The following RBFOX1 variants were observed in gnomAD, a reference collection of about 807,000 sequenced individuals.
The protein encoded by RBFOX1 is RNA binding fox-1 homolog 1.
A neutral mutation model predicts 57.7 loss-of-function variants in RBFOX1; 8 were observed. That is an observed-to-expected ratio of 0.14 (90% CI 0.08 to 0.25). The LOEUF (loss-of-function observed/expected upper bound fraction) is 0.25. Ranked by LOEUF, RBFOX1 falls within the 10% of genes least tolerant of loss-of-function variation. RBFOX1 has a pLI of 1.00. For missense variants in RBFOX1, 611 were observed against 548.5 expected, an observed-to-expected ratio of 1.11 and a Z score of -1.14; for synonymous variants, 326 against 222.4, an observed-to-expected ratio of 1.47 and a Z score of -4.15.
intron 3 of RBFOX1, among the ~76,000 whole-genome samples, chr16:5,716,424 G>C (rs551536557): frequency 1.3e-5 from 2 of 152,232 alleles, no homozygotes; most frequent in East Asian, 1.9e-4. Flanking sequence ...ACAGACCCCA[G>C]TGTCCATGTG....
In RBFOX1 at chr16:5,851,804, G is replaced by C. The variant is rs114704265; in HGVS notation, c.319-15499G>C. 3.2e-3 allele frequency among the ~76,000 whole-genome samples: 492 copies of C among 152,320 alleles called. 4 individuals carry two copies. The highest frequency in any genetic ancestry group is 0.012 in the African/African-American group (478 of 41,564). The stretch of plus-strand genomic sequence containing the variant: ...AAACCGCAAGTTTAGCGTTCTGTGG[G>C]TGAGTGTCTTAAAGGAACTGTCTGT... On this transcript the variant is annotated intron_variant, in intron 3 of 19. Coordinates refer to the RBFOX1 transcript ENST00000641259.
At chr16:6,208,110 C>T (rs2097267401) in intron 1 of RBFOX1, among the ~76,000 whole-genome samples, 1 of 151,636 alleles carries the variant, frequency 6.6e-6, no homozygotes, top group South Asian at 2.1e-4. Flanking sequence ...TGCATAAAAA[C>T]TAAATGATAG....
chr16:6,141,163 C>A (rs1033806442), intron 1 of RBFOX1, among the ~76,000 whole-genome samples: 6 of 152,174 alleles, frequency 3.9e-5, no homozygotes, highest in Non-Finnish European at 7.3e-5. Flanking sequence ...TTTTGCATTT[C>A]CCTGCAGTAC....
chr16:6,451,808 C>A (rs758313481), intron 2 of RBFOX1, among the ~76,000 whole-genome samples: 8 of 152,156 alleles, frequency 5.3e-5, no homozygotes, highest in Admixed American at 1.3e-4. Context: ...ATCCATGACT[C>A]CTTCCTCCCA....
At chr16:7,020,010 C>G (rs1452746582) in intron 3 of RBFOX1, among the ~76,000 whole-genome samples, 3 of 149,536 alleles carry the variant, frequency 2.0e-5, no homozygotes, top group African/African-American at 7.5e-5. Context: ...TGAAGTGCTG[C>G]TACCCTCAGG....
At chr16:7,333,103 C>T (rs755899859) in intron 4 of RBFOX1, 26 of 1,609,888 alleles carry the variant, frequency 1.6e-5, no homozygotes, top group Admixed American at 5.0e-5. Flanking sequence ...TTCAAGGCCT[C>T]TGCCAGCCAG....
At chr16:5,667,435 T>C (rs904260774) in intron 3 of RBFOX1, among the ~76,000 whole-genome samples, 1 of 152,250 alleles carries the variant, frequency 6.6e-6, no homozygotes, top group Non-Finnish European at 1.5e-5. Context: ...TTTAGAAATA[T>C]ATTTTAAAAT....
In RBFOX1 at chr16:5,925,234, A is replaced by G. The variant is rs115058684; in HGVS notation, c.351+57899A>G. Among the ~76,000 whole-genome samples the G allele has an allele frequency of 2.0e-3, 308 of 152,314 alleles. 3 individuals carry two copies. The highest frequency in any genetic ancestry group is 7.2e-3 in the African/African-American group (300 of 41,560). ...AATGCTTATAGCTGTACCATTCACAAGAGCCAAAAGATGGAAGCAAACCAA... is the reference window on the plus strand; with the variant it reads ...AATGCTTATAGCTGTACCATTCACAGGAGCCAAAAGATGGAAGCAAACCAA... On this transcript the variant is annotated intron_variant, in intron 4 of 19. Transcript: ENST00000641259.
chr16:7,544,440 G>A (rs2083846165), intron 5 of RBFOX1, among the ~76,000 whole-genome samples: 1 of 152,154 alleles, frequency 6.6e-6, no homozygotes, highest in South Asian at 2.1e-4. Flanking sequence ...AATTAGATGA[G>A]GTTATACTGG....
intron 4 of RBFOX1, among the ~76,000 whole-genome samples, chr16:7,388,042 T>TG (rs56088218): frequency 0.065 from 9,930 of 151,980 alleles, 378 homozygotes; most frequent in East Asian, 0.19. Flanking sequence ...TTTTTTGTTT[T>TG]GCTTTTTTTT....
chr16:5,948,380 A>C (rs1395322730), intron 4 of RBFOX1, among the ~76,000 whole-genome samples: 1 of 152,236 alleles, frequency 6.6e-6, no homozygotes, highest in East Asian at 1.9e-4. Flanking sequence ...AGCAGTGGGG[A>C]CATTGATTTC....
intron 2 of RBFOX1, among the ~76,000 whole-genome samples, chr16:5,501,865 G>A (rs114684568): frequency 0.029 from 4,466 of 152,002 alleles, 165 homozygotes; most frequent in African/African-American, 0.089. Context: ...ACAGGCATTT[G>A]TTACCATGCC....
intron 4 of RBFOX1, among the ~76,000 whole-genome samples, chr16:7,457,903 C>G (rs890219324): frequency 6.6e-6 from 1 of 152,138 alleles, no homozygotes; most frequent in Non-Finnish European, 1.5e-5. Context: ...GTCCAGTTAA[C>G]GTATATTCTC....
At chr16:5,828,221 G>A (rs967342261) in intron 3 of RBFOX1, among the ~76,000 whole-genome samples, 3 of 151,996 alleles carry the variant, frequency 2.0e-5, no homozygotes, top group Admixed American at 6.6e-5. Context: ...CCATTCATCT[G>A]TCCATTCAAC....
intron 2 of RBFOX1, among the ~76,000 whole-genome samples, chr16:6,616,306 C>T (rs947519458): frequency 6.6e-6 from 1 of 151,974 alleles, no homozygotes; most frequent in Non-Finnish European, 1.5e-5. Flanking sequence ...TGCTATATTA[C>T]ATGCTATAAT....
At position 5,909,089 on chromosome 16, in the gene RBFOX1, C is replaced by CTTTT. The variant is rs1168067500; in HGVS notation, c.351+41754_351+41755insTTTT. 4.6e-3 allele frequency among the ~76,000 whole-genome samples: 365 copies of CTTTT among 79,362 alleles called. 1 individual carries two copies. Among genetic ancestry groups the CTTTT allele is most frequent in the Middle Eastern group, 0.02 (2 of 100 alleles). 52.1% of individuals were successfully genotyped at this position (79,362 alleles called of 152,430 possible). A position where few individuals can be genotyped will look rare whatever the true frequency, so the allele number is the denominator to read the frequency against. ...TATCGGCTCCAACAGACTAAGCCCC[C>CTTTT]CTTTTTTTTTTTTTTTTTTTTGAGA... On this transcript the variant is annotated intron_variant, in intron 4 of 19. Transcript: ENST00000641259.
At chr16:5,315,791 G>C (rs2064220913) in intron 1 of RBFOX1, among the ~76,000 whole-genome samples, 1 of 152,146 alleles carries the variant, frequency 6.6e-6, no homozygotes, top group South Asian at 2.1e-4. Flanking sequence ...TTCTCCCTTT[G>C]GTGAAGAACA....
intron 3 of RBFOX1, chr16:6,705,287 C>A (rs979252369): frequency 2.0e-5 from 3 of 151,642 alleles, no homozygotes; most frequent in African/African-American, 7.3e-5. Flanking sequence ...AAAGGTTTCT[C>A]ACTGTTTGAG....
At chr16:6,899,623 C>T (rs1280461354) in intron 3 of RBFOX1, among the ~76,000 whole-genome samples, 2 of 152,182 alleles carry the variant, frequency 1.3e-5, no homozygotes, top group African/African-American at 2.4e-5. Context: ...TTAGTTTTCT[C>T]ATCTTTGAAA....
Sources: gnomAD v4.1 joint callset for allele counts (sites outside exome capture counted in the v4.1 genomes callset) on GRCh38, gnomAD v4.1.1 for gene constraint, MANE v1.5 for transcripts, NCBI Gene and HGNC (gene_info 2026-07-23, HGNC 2026-07-21) for gene names.